RAB21: variants seen among roughly 807,000 people sequenced by gnomAD.
RAB21 encodes the protein RAB21, member RAS oncogene family.
In RAB21, 13 loss-of-function variants were observed where a neutral mutation model predicts 33.1. The observed-to-expected ratio is 0.39, with a 90% CI of 0.26 to 0.62. The LOEUF (loss-of-function observed/expected upper bound fraction) is 0.62. Among genes scored for constraint, RAB21 ranks in the 20% least tolerant of loss-of-function variants. RAB21 has a pLI of 0.48. For missense variants in RAB21, 234 were observed against 279.1 expected (o/e 0.84, Z 1.15); for synonymous variants, 91 against 103.7 (o/e 0.88, Z 0.74).
Position 71,791,783 on chromosome 12 carries a change from T to C in RAB21, c.*6110T>C, listed in dbSNP as rs1883388467. ...TATTTGGCCTTTGTAAATTTTCCAT[T>C]CCCTGAATGGAACTTCTACCCTATA... On this transcript the variant is annotated 3_prime_UTR_variant, in exon 7 of 7. Coordinates refer to ENST00000261263, the MANE Select transcript of RAB21 (RefSeq NM_014999.4). 6.6e-6 allele frequency: 1 copy of C among 152,184 alleles called. No homozygotes were observed. Among genetic ancestry groups the C allele is most frequent in the Admixed American group, 6.5e-5 (1 of 15,278 alleles). The allele number at this position is 152,184 out of a possible 1,614,324, so 9.4% of individuals were successfully genotyped here.
At chr12:71,782,895 A>G (rs761139408) in intron 6 of RAB21, among the ~76,000 whole-genome samples, 10 of 152,060 alleles carry the variant, frequency 6.6e-5, no homozygotes, top group Non-Finnish European at 1.2e-4. Context: ...TGTGGGCTAA[A>G]TATATATTAT....
At chr12:71,763,849 A>G (rs1004047272) in intron 1 of RAB21, among the ~76,000 whole-genome samples, 4 of 152,136 alleles carry the variant, frequency 2.6e-5, no homozygotes, top group African/African-American at 9.7e-5. Context: ...GTCCTAGAAT[A>G]GTTAGCTTTG....
rs755690537 is a variant in RAB21, at chr12:71,755,140, C to CCGGCGGCGG, written c.21_29dup (p.Gly8_Gly10dup). 6.4e-6 allele frequency: 8 copies of CCGGCGGCGG among 1,255,356 alleles called. No individual in the cohort carries two copies. The highest frequency in any genetic ancestry group is 3.1e-5 in the South Asian group (1 of 32,142). 77.8% of individuals were successfully genotyped at this position (1,255,356 alleles called of 1,614,324 possible). A position where few individuals can be genotyped will look rare whatever the true frequency, so the allele number is the denominator to read the frequency against. On this transcript the variant is annotated inframe_insertion, in exon 1 of 7. Coordinates refer to ENST00000261263, the MANE Select transcript of RAB21 (RefSeq NM_014999.4). ...CCGGGAAGCGACGGGATGGCTGCGGCCGGCGGCGGCGGCGGCGGGGCGGCG... is the reference window on the plus strand; with the variant it reads ...CCGGGAAGCGACGGGATGGCTGCGGCCGGCGGCGGCGGCGGCGGCGGCGGCGGGGCGGCG...
chr12:71,780,807 T>C (rs541183453), intron 4 of RAB21, among the ~76,000 whole-genome samples: 1 of 152,340 alleles, frequency 6.6e-6, no homozygotes, highest in Non-Finnish European at 1.5e-5. Flanking sequence ...TTATCTGAAA[T>C]TGTCTCCTAG....
chr12:71,792,483 A>G lies in RAB21; in HGVS notation c.*6810A>G, dbSNP rs940928371. 4 of 152,218 alleles carry G rather than the reference A, an allele frequency of 2.6e-5. No homozygotes were observed. The highest frequency in any genetic ancestry group is 9.6e-5 in the African/African-American group (4 of 41,456). The allele number at this position is 152,218 out of a possible 1,614,324, so 9.4% of individuals were successfully genotyped here. ...TTATAGGAGCTTCTCTGCACTGTCA[A>G]GACTATAGCTTAGCATATGTGTGCT... On this transcript the variant is annotated 3_prime_UTR_variant, in exon 7 of 7. Coordinates refer to ENST00000261263, the MANE Select transcript of RAB21 (RefSeq NM_014999.4).
At chr12:71,772,523 T>C (rs892270773) in intron 3 of RAB21, among the ~76,000 whole-genome samples, 3 of 152,140 alleles carry the variant, frequency 2.0e-5, no homozygotes, top group Non-Finnish European at 4.4e-5. Context: ...GGGTAAAGAA[T>C]AGATAGAGTG....
At chr12:71,763,101 GCACACACACACACACA>G (rs66460518) in intron 1 of RAB21, among the ~76,000 whole-genome samples, 1 of 145,468 alleles carries the variant, frequency 6.9e-6, no homozygotes, top group Non-Finnish European at 1.5e-5. Context: ...TATTTTGCAC[GCACACACACACACACA>G]CACACACACA....
Position 71,755,073 on chromosome 12 carries a change from C to G in RAB21, c.-57C>G. On this transcript the variant is annotated 5_prime_UTR_variant, in exon 1 of 7. Transcript: ENST00000261263. Reference sequence around the variant, plus strand: ...CCGGCCGTGGCTGTGAAGGCGCTGCCGCGGCTGTCGGGAGGGCGGCGCGAC... The same window carrying G: ...CCGGCCGTGGCTGTGAAGGCGCTGCGGCGGCTGTCGGGAGGGCGGCGCGAC... 9.6e-7 allele frequency: 1 copy of G among 1,040,198 alleles called. No individual in the cohort carries two copies. Among genetic ancestry groups the G allele is most frequent in the Non-Finnish European group, 1.2e-6 (1 of 868,032 alleles). 64.4% of individuals were successfully genotyped at this position (1,040,198 alleles called of 1,614,324 possible).
At position 71,792,907 on chromosome 12, in the gene RAB21, T is replaced by C. The variant is rs1172967774; in HGVS notation, c.*7234T>C. On this transcript the variant is annotated 3_prime_UTR_variant, in exon 7 of 7. Transcript: ENST00000261263. ...ATCAGATATGTACCTGCCAAACTTT[T>C]GGAGTGAGATAATTAGAATGACAGT... The C allele has an allele frequency of 6.6e-6, 1 of 152,254 alleles. No homozygotes were observed. Among genetic ancestry groups the C allele is most frequent in the Non-Finnish European group, 1.5e-5 (1 of 68,054 alleles). The allele number at this position is 152,254 out of a possible 1,614,324, so 9.4% of individuals were successfully genotyped here.
At chr12:71,785,446 G>A in intron 6 of RAB21, 85 bp from the exon 7 acceptor site, 1 of 1,450,618 alleles carries the variant, frequency 6.9e-7, no homozygotes, top group East Asian at 2.5e-5. Flanking sequence ...GTCAGAAATA[G>A]CTATCATAGT....
At chr12:71,762,367 G>A (rs1236551691) in intron 1 of RAB21, among the ~76,000 whole-genome samples, 3 of 151,974 alleles carry the variant, frequency 2.0e-5, no homozygotes, top group African/African-American at 7.2e-5. Flanking sequence ...GTGCAGTGGC[G>A]CGATCTCGGC....
intron 4 of RAB21, among the ~76,000 whole-genome samples, chr12:71,779,634 A>G (rs1037062611): frequency 1.6e-4 from 24 of 152,240 alleles, no homozygotes; most frequent in African/African-American, 5.5e-4. Flanking sequence ...AGCAGTGGAC[A>G]TGCCCCTTCT....
At chr12:71,772,327 A>G (rs963536831) in intron 3 of RAB21, among the ~76,000 whole-genome samples, 1 of 152,228 alleles carries the variant, frequency 6.6e-6, no homozygotes, top group Non-Finnish European at 1.5e-5. Flanking sequence ...AGTTAAAAGT[A>G]GAAGCTACCA....
In RAB21 at chr12:71,787,374, T is replaced by C. The variant is rs1256123498; in HGVS notation, c.*1701T>C. ...AACATAAATTGTTCTTGTTCTAATATATATATTTTTTCATTTCTGTCGTGC... is the reference window on the plus strand; with the variant it reads ...AACATAAATTGTTCTTGTTCTAATACATATATTTTTTCATTTCTGTCGTGC... On this transcript the variant is annotated 3_prime_UTR_variant, in exon 7 of 7. Coordinates refer to ENST00000261263, the MANE Select transcript of RAB21 (RefSeq NM_014999.4). 1 of 152,162 alleles carries C rather than the reference T, an allele frequency of 6.6e-6. No homozygotes were observed. The highest frequency in any genetic ancestry group is 1.9e-4 in the East Asian group (1 of 5,198). The allele number at this position is 152,162 out of a possible 1,614,324, so 9.4% of individuals were successfully genotyped here.
chr12:71,767,002 G>A (rs539701718), intron 1 of RAB21, among the ~76,000 whole-genome samples: 6 of 152,250 alleles, frequency 3.9e-5, no homozygotes, highest in Non-Finnish European at 5.9e-5. Flanking sequence ...ATGATTTTGT[G>A]AAAAGTGCAT....
At chr12:71,778,658 A>G (rs1883154713) in intron 4 of RAB21, among the ~76,000 whole-genome samples, 1 of 152,224 alleles carries the variant, frequency 6.6e-6, no homozygotes, top group South Asian at 2.1e-4. Context: ...TTGTGTGGAA[A>G]AAGAGAGGAA....
intron 3 of RAB21, among the ~76,000 whole-genome samples, chr12:71,773,056 G>A (rs1883067255): frequency 6.6e-6 from 1 of 152,208 alleles, no homozygotes; most frequent in Admixed American, 6.5e-5. Flanking sequence ...TATAAGTTCA[G>A]TGTGATTTGA....
chr12:71,779,939 G>A (rs890379473), intron 4 of RAB21, among the ~76,000 whole-genome samples: 1 of 152,128 alleles, frequency 6.6e-6, no homozygotes, highest in African/African-American at 2.4e-5. Flanking sequence ...GGGTTTTTGA[G>A]CTTTGGAAAG....
chr12:71,778,162 C>T (rs1592648644), intron 4 of RAB21, among the ~76,000 whole-genome samples: 1 of 152,088 alleles, frequency 6.6e-6, no homozygotes, highest in Admixed American at 6.6e-5. Context: ...TTATCTAAGT[C>T]CCTGATATCC....
Sources: gnomAD v4.1 joint callset for allele counts (sites outside exome capture counted in the v4.1 genomes callset) on GRCh38, gnomAD v4.1.1 for gene constraint, MANE v1.5 for transcripts, NCBI Gene and HGNC (gene_info 2026-07-23, HGNC 2026-07-21) for gene names.